The following BMPR1B variants were observed in gnomAD, a reference collection of about 807,000 sequenced individuals.
BMPR1B encodes the protein bone morphogenetic protein receptor type-1B.
A neutral mutation model predicts 59.1 loss-of-function variants in BMPR1B; 12 were observed. The ratio of observed to expected loss-of-function variants is 0.20; its 90% CI spans 0.13 to 0.33. The LOEUF (loss-of-function observed/expected upper bound fraction) is 0.33, where lower values mean the gene tolerates loss of function less well. Among genes scored for constraint, BMPR1B ranks in the 10% least tolerant of loss-of-function variants. The pLI is 1.00. For missense variants in BMPR1B, 550 were observed against 610.9 expected, an observed-to-expected ratio of 0.90 and a Z score of 1.05; for synonymous variants, 237 against 207.3, an observed-to-expected ratio of 1.14 and a Z score of -1.23.
chr4:95,130,833 C>G (rs189886912), intron 9 of BMPR1B, among the ~76,000 whole-genome samples: 1 of 142,894 alleles, frequency 7.0e-6, no homozygotes, highest in East Asian at 2.2e-4. Context: ...CAGGTTAAAG[C>G]AATTCTCCTG....
intron 10 of BMPR1B, among the ~76,000 whole-genome samples, chr4:95,135,979 G>A (rs1229362639): frequency 1.3e-5 from 2 of 152,156 alleles, no homozygotes; most frequent in Non-Finnish European, 2.9e-5. Context: ...TGCCCATTCA[G>A]TATGATATTG....
At chr4:94,942,805 G>A (rs13120868) in intron 2 of BMPR1B, among the ~76,000 whole-genome samples, 35,844 of 152,154 alleles carry the variant, frequency 0.24, 4,483 homozygotes, top group Middle Eastern at 0.27. Context: ...GATAGAATAT[G>A]TTCATGCAGA....
intron 2 of BMPR1B, among the ~76,000 whole-genome samples, chr4:94,910,461 G>C (rs2149011394): frequency 6.6e-6 from 1 of 152,184 alleles, no homozygotes; most frequent in South Asian, 2.1e-4. Flanking sequence ...CCTGCTATTA[G>C]AGAGCAATGG....
chr4:94,880,783 G>C (rs1274697682), intron 2 of BMPR1B, among the ~76,000 whole-genome samples: 1 of 151,632 alleles, frequency 6.6e-6, no homozygotes, highest in African/African-American at 2.4e-5. Flanking sequence ...GATTACAGGC[G>C]TGCCACCATG....
chr4:95,020,375 C>G (rs6532526), intron 3 of BMPR1B, among the ~76,000 whole-genome samples: 1 of 151,976 alleles, frequency 6.6e-6, no homozygotes, highest in African/African-American at 2.4e-5. Context: ...GTCAAAAGAT[C>G]GAGACTATCC....
At position 95,039,286 on chromosome 4, in the gene BMPR1B, A is replaced by T. The variant is rs574869751; in HGVS notation, c.-18+43152A>T. Among the ~76,000 whole-genome samples, 33 of 152,194 alleles carry T rather than the reference A, an allele frequency of 2.2e-4. No homozygotes were observed. The East Asian group carries it at 6.0e-3, about 28-fold the overall frequency. Reference sequence around the variant, plus strand: ...TTAAATATCTTATGCTTTTGCTGTAATGCTCTAGACAAGGCAGAGAATGTA... The same window carrying T: ...TTAAATATCTTATGCTTTTGCTGTATTGCTCTAGACAAGGCAGAGAATGTA... On this transcript the variant is annotated intron_variant, in intron 3 of 12. Coordinates refer to ENST00000515059, the MANE Select transcript of BMPR1B (RefSeq NM_001203.3).
rs181722647 is a variant in BMPR1B at position 95,088,672 on chromosome 4, G to A, written c.-17-15736G>A. On this transcript the variant is annotated intron_variant, in intron 3 of 12. Coordinates refer to ENST00000515059, the MANE Select transcript of BMPR1B (RefSeq NM_001203.3). ...ATTATGGGCTTAATAATAAAAGTGA[G>A]TATTTTTTGTTTCCCAAGAAAGAAA... Among the ~76,000 whole-genome samples the A allele has an allele frequency of 2.2e-3, 340 of 151,860 alleles. 3 individuals are homozygous for A. The highest frequency in any genetic ancestry group is 3.4e-3 in the Non-Finnish European group (234 of 67,986).
intron 1 of BMPR1B, among the ~76,000 whole-genome samples, chr4:94,822,290 C>T (rs1724235742): frequency 6.6e-6 from 1 of 152,176 alleles, no homozygotes; most frequent in Non-Finnish European, 1.5e-5. Context: ...CAAATTTCAA[C>T]ATGAATTTTG....
intron 1 of BMPR1B, among the ~76,000 whole-genome samples, chr4:94,859,062 C>T (rs1018403833): frequency 6.6e-6 from 1 of 152,126 alleles, no homozygotes; most frequent in Non-Finnish European, 1.5e-5. Flanking sequence ...GACTTTTACA[C>T]TATCAGAGGC....
At chr4:94,887,403 C>CA (rs57818132) in intron 2 of BMPR1B, among the ~76,000 whole-genome samples, 6,994 of 54,660 alleles carry the variant, frequency 0.13, 628 homozygotes, top group East Asian at 0.18. Flanking sequence ...CACCCCCCAC[C>CA]AAAAAAAAAA....
intron 3 of BMPR1B, among the ~76,000 whole-genome samples, chr4:95,084,652 G>A (rs778086976): frequency 4.6e-5 from 7 of 152,102 alleles, no homozygotes; most frequent in Non-Finnish European, 1.0e-4. Flanking sequence ...CAGGGAGTGT[G>A]GTCATGGGAA....
At chr4:94,799,372 C>T (rs747027992) in intron 1 of BMPR1B, among the ~76,000 whole-genome samples, 8 of 150,472 alleles carry the variant, frequency 5.3e-5, no homozygotes, top group Non-Finnish European at 1.0e-4. Context: ...GGCGCAATCT[C>T]GGCTCACTGC....
At chr4:94,828,358 A>G (rs1265198212) in intron 1 of BMPR1B, among the ~76,000 whole-genome samples, 2 of 152,300 alleles carry the variant, frequency 1.3e-5, no homozygotes, top group East Asian at 3.9e-4. Flanking sequence ...AATTTGGGTT[A>G]TTTCCAATAA....
chr4:95,091,276 T>TTTTG (rs1560645858), intron 3 of BMPR1B, among the ~76,000 whole-genome samples: 153 of 145,090 alleles, frequency 1.1e-3, no homozygotes, highest in South Asian at 3.8e-3. Context: ...TTTTCTTTTT[T>TTTTG]TTTTGTTTTG....
chr4:94,836,066 A>G (rs962315242), intron 1 of BMPR1B, among the ~76,000 whole-genome samples: 2 of 148,838 alleles, frequency 1.3e-5, no homozygotes, highest in East Asian at 1.9e-4. Context: ...AATTTCATCC[A>G]TGTCCCTACA....
At chr4:94,848,446 A>G (rs13127184) in intron 1 of BMPR1B, among the ~76,000 whole-genome samples, 31,757 of 152,114 alleles carry the variant, frequency 0.21, 3,502 homozygotes, top group African/African-American at 0.24. Flanking sequence ...GCAAGTGCAG[A>G]TGACCCAAGG....
intron 1 of BMPR1B, among the ~76,000 whole-genome samples, chr4:94,810,911 A>C (rs1243073914): frequency 6.6e-6 from 1 of 152,182 alleles, no homozygotes; most frequent in Non-Finnish European, 1.5e-5. Context: ...GCGTGTGTGC[A>C]TGTGTATGTG....
chr4:94,822,769 T>G (rs1724251904), intron 1 of BMPR1B, among the ~76,000 whole-genome samples: 1 of 152,168 alleles, frequency 6.6e-6, no homozygotes, highest in African/African-American at 2.4e-5. Context: ...GACTTAGGCA[T>G]CTGAGCGATC....
At chr4:94,940,009 C>T (rs1729449213) in intron 2 of BMPR1B, among the ~76,000 whole-genome samples, 2 of 152,204 alleles carry the variant, frequency 1.3e-5, no homozygotes, top group South Asian at 4.1e-4. Flanking sequence ...CCTTCCCTCA[C>T]CCCCTTCCTT....
Sources: allele counts gnomAD v4.1 joint callset (sites outside exome capture counted in the v4.1 genomes callset), GRCh38; gene constraint gnomAD v4.1.1; transcripts MANE v1.5; gene names NCBI Gene and HGNC (gene_info 2026-07-23, HGNC 2026-07-21).